Variants in EPHA6 observed in about 807,000 individuals in gnomAD.
The protein encoded by EPHA6 is ephrin type-A receptor 6.
EPHA6 carries 50 observed loss-of-function variants against 112.0 expected under a neutral mutation model. That is an observed-to-expected ratio of 0.45 (90% CI 0.36 to 0.56). The LOEUF (loss-of-function observed/expected upper bound fraction) is 0.56. EPHA6 is among the 20% of genes least tolerant of loss of function. EPHA6 has a pLI of 0.00. For synonymous variants in EPHA6, 529 were observed against 490.7 expected (o/e 1.08, Z -1.03); for missense variants, 1,280 against 1,417.4 (o/e 0.90, Z 1.56).
chr3:96,995,735 A>G (rs1314417210), intron 3 of EPHA6, among the ~76,000 whole-genome samples: 2 of 152,158 alleles, frequency 1.3e-5, no homozygotes, highest in African/African-American at 4.8e-5. Context: ...AACAATGTAC[A>G]TGCTTAATTT....
At chr3:96,945,562 C>T (rs1559613143) in intron 2 of EPHA6, among the ~76,000 whole-genome samples, 2 of 152,114 alleles carry the variant, frequency 1.3e-5, no homozygotes, top group East Asian at 1.9e-4. Flanking sequence ...TTAACAATTC[C>T]ATATGTAGTT....
chr3:96,988,658 T>G (rs1483074300), intron 3 of EPHA6, among the ~76,000 whole-genome samples: 1 of 152,148 alleles, frequency 6.6e-6, no homozygotes, highest in Non-Finnish European at 1.5e-5. Flanking sequence ...TGGTTGAATA[T>G]TGACCTGATC....
intron 6 of EPHA6, among the ~76,000 whole-genome samples, chr3:97,427,593 G>T (rs1281569796): frequency 2.0e-5 from 3 of 151,876 alleles, no homozygotes; most frequent in Non-Finnish European, 4.4e-5. Context: ...TGGGTACTAG[G>T]CTTAATACTT....
rs547416109 is a variant in EPHA6, at chr3:97,226,312, C to G, written c.1163C>G (p.Ser388Cys). 6.8e-6 allele frequency: 11 copies of G among 1,613,010 alleles called. No individual in the cohort carries two copies. The highest frequency in any genetic ancestry group is 9.3e-6 in the Non-Finnish European group (11 of 1,179,456). Residue 388 changes from serine (S) to cysteine (C), a missense_variant, in exon 4 of 18, where the codon TCT (serine) becomes TGT (cysteine). This residue lies in a region of EPHA6 where 878 missense variants were observed against 999.7 expected (regional missense o/e 0.88). Transcript: ENST00000389672. ...YKAFAGNTKCSKCPPHSLTYM... is the reference protein window; with the variant it reads ...YKAFAGNTKCCKCPPHSLTYM... Reference sequence around the variant, plus strand: ...GCTTTTGCTGGGAACACAAAATGTTCTAAATGTCCTCCACACAGTTTAACA... The same window carrying G: ...GCTTTTGCTGGGAACACAAAATGTTGTAAATGTCCTCCACACAGTTTAACA...
intron 1 of EPHA6, among the ~76,000 whole-genome samples, chr3:96,835,301 T>A (rs911985952): frequency 6.6e-6 from 1 of 152,080 alleles, no homozygotes; most frequent in Non-Finnish European, 1.5e-5. Context: ...GATGTGGTGA[T>A]GAAAGTATGT....
At chr3:97,243,137 GCTCATCCC>G (rs1024525354) in intron 4 of EPHA6, among the ~76,000 whole-genome samples, 2 of 151,846 alleles carry the variant, frequency 1.3e-5, no homozygotes, top group African/African-American at 4.8e-5. Flanking sequence ...ATAAGAAGAT[GCTCATCCC>G]CTCCTTAGAC....
rs1353161549 is a variant in EPHA6, at chr3:97,539,099, CCTTCCTTTCTTT to C, written c.2386+6560_2386+6571del. On this transcript the variant is annotated intron_variant, in intron 11 of 17. Transcript: ENST00000389672. Reference sequence around the variant, plus strand: ...TCCTTCCTTCCTTCCTTCCTTCCTTCCTTCCTTTCTTTCTTTCTTTCTTTCTTTTTCTTTCTT... The same window carrying C: ...TCCTTCCTTCCTTCCTTCCTTCCTTCCTTTCTTTCTTTCTTTTTCTTTCTT... Among the ~76,000 whole-genome samples, 40 of 132,306 alleles carry C rather than the reference CCTTCCTTTCTTT, an allele frequency of 3.0e-4. No homozygotes were observed. The South Asian group carries it at 3.5e-3, about 11-fold the overall frequency. 86.8% of individuals were successfully genotyped at this position (132,306 alleles called of 152,430 possible). A position where few individuals can be genotyped will look rare whatever the true frequency, so the allele number is the denominator to read the frequency against.
At chr3:97,551,610 A>G (rs764408592) in intron 11 of EPHA6, among the ~76,000 whole-genome samples, 1 of 152,184 alleles carries the variant, frequency 6.6e-6, no homozygotes, top group African/African-American at 2.4e-5. Context: ...TATATTATAT[A>G]TAACATGCTG....
intron 3 of EPHA6, among the ~76,000 whole-genome samples, chr3:97,069,727 G>A (rs2046294877): frequency 6.6e-6 from 1 of 152,016 alleles, no homozygotes; most frequent in Non-Finnish European, 1.5e-5. Context: ...ATTAAATACA[G>A]TATCAAAAAT....
At chr3:97,603,597 C>T (rs1004120218) in intron 12 of EPHA6, among the ~76,000 whole-genome samples, 11 of 151,460 alleles carry the variant, frequency 7.3e-5, no homozygotes, top group Non-Finnish European at 1.2e-4. Flanking sequence ...AGATTAAAAC[C>T]GTCAATTCTA....
chr3:97,266,978 T>C (rs553009079), intron 5 of EPHA6, among the ~76,000 whole-genome samples: 5 of 152,286 alleles, frequency 3.3e-5, no homozygotes, highest in Admixed American at 2.0e-4. Flanking sequence ...AGTCATCAAA[T>C]AGAATCAGAG....
chr3:97,248,162 A>G (rs2079036171), intron 5 of EPHA6, among the ~76,000 whole-genome samples: 1 of 152,042 alleles, frequency 6.6e-6, no homozygotes, highest in Admixed American at 6.6e-5. Flanking sequence ...GATTATTCTG[A>G]GTCTAGTTTG....
At chr3:96,976,002 A>G (rs1485409581) in intron 2 of EPHA6, among the ~76,000 whole-genome samples, 1 of 152,200 alleles carries the variant, frequency 6.6e-6, no homozygotes, top group Non-Finnish European at 1.5e-5. Flanking sequence ...TACCTATTAT[A>G]TAAAAGCTAG....
chr3:97,430,631 A>T (rs1379998677), intron 6 of EPHA6, among the ~76,000 whole-genome samples: 1 of 152,152 alleles, frequency 6.6e-6, no homozygotes. Context: ...TTTCATTCAC[A>T]ATAGTTAAAT....
intron 2 of EPHA6, among the ~76,000 whole-genome samples, chr3:96,968,127 T>A (rs1231411349): frequency 1.3e-5 from 2 of 151,850 alleles, no homozygotes; most frequent in Admixed American, 1.3e-4. Context: ...TTATTTTCTA[T>A]TAACTTATAA....
Position 97,756,492 on chromosome 3 carries a change from T to C in EPHA6, c.*7791T>C, listed in dbSNP as rs981064343. Among the ~76,000 whole-genome samples the C allele has an allele frequency of 1.8e-4, 27 of 151,970 alleles. No individual in the cohort carries two copies. The highest frequency in any genetic ancestry group is 2.1e-4 in the South Asian group (1 of 4,832). On this transcript the variant is annotated 3_prime_UTR_variant, in exon 18 of 18. Coordinates refer to ENST00000389672, the MANE Select transcript of EPHA6 (RefSeq NM_001080448.3). Reference sequence around the variant, plus strand: ...GATTGGAGCTTTTCAAAATTGCTGCTCTGCATGGAAAGTAAGGTTTAATGT... The same window carrying C: ...GATTGGAGCTTTTCAAAATTGCTGCCCTGCATGGAAAGTAAGGTTTAATGT...
At chr3:97,648,485 T>C in intron 14 of EPHA6, 3 of 1,292,880 alleles carry the variant, frequency 2.3e-6, no homozygotes, top group Non-Finnish European at 2.9e-6. Context: ...ATTTAGGTGT[T>C]TGTGAATTGG....
At chr3:97,250,162 G>A (rs2079094505) in intron 5 of EPHA6, among the ~76,000 whole-genome samples, 1 of 152,136 alleles carries the variant, frequency 6.6e-6, no homozygotes, top group South Asian at 2.1e-4. Flanking sequence ...GAATACGTCT[G>A]GAAAGTAACA....
At chr3:97,661,897 A>G (rs183585253) in intron 14 of EPHA6, among the ~76,000 whole-genome samples, 1 of 152,294 alleles carries the variant, frequency 6.6e-6, no homozygotes, top group African/African-American at 2.4e-5. Flanking sequence ...TGGCATATAC[A>G]AAATCTGCAC....
Sources: gnomAD v4.1 joint callset for allele counts (sites outside exome capture counted in the v4.1 genomes callset) on GRCh38, gnomAD v4.1.1 for gene constraint, gnomAD v4.1.1 regional missense constraint, MANE v1.5 for transcripts, NCBI Gene and HGNC (gene_info 2026-07-23, HGNC 2026-07-21) for gene names.